FAM13A: variants seen among roughly 807,000 people sequenced by gnomAD.
FAM13A encodes the protein family with sequence similarity 13 member A, also known as protein FAM13A.
A neutral mutation model predicts 129.6 loss-of-function variants in FAM13A; 76 were observed. The ratio of observed to expected loss-of-function variants is 0.59; its 90% CI spans 0.49 to 0.71. The LOEUF is 0.71. Among genes scored for constraint, FAM13A ranks in the 30% least tolerant of loss-of-function variants. The pLI is 0.00. For synonymous variants in FAM13A, 443 were observed against 449.9 expected (o/e 0.98, Z 0.20); for missense variants, 1,108 against 1,249.3 (o/e 0.89, Z 1.70).
intron 4 of FAM13A, among the ~76,000 whole-genome samples, chr4:88,957,379 C>A (rs1414585511): frequency 1.3e-5 from 2 of 152,132 alleles, no homozygotes; most frequent in Non-Finnish European, 2.9e-5. Context: ...CTCTCACTTG[C>A]CTCTGCTTTC....
chr4:88,818,424 CTA>C (rs1731209787), intron 7 of FAM13A, among the ~76,000 whole-genome samples: 1 of 152,066 alleles, frequency 6.6e-6, no homozygotes, highest in Non-Finnish European at 1.5e-5. Flanking sequence ...CTGTCAGTGT[CTA>C]TATATGTTTT....
intron 7 of FAM13A, among the ~76,000 whole-genome samples, chr4:88,817,030 C>T (rs1730867564): frequency 6.6e-6 from 1 of 152,094 alleles, no homozygotes; most frequent in South Asian, 2.1e-4. Flanking sequence ...ATCCATATAT[C>T]ATAATATTAT....
intron 4 of FAM13A, among the ~76,000 whole-genome samples, chr4:88,974,802 C>A (rs1032167872): frequency 6.6e-6 from 1 of 152,100 alleles, no homozygotes; most frequent in Non-Finnish European, 1.5e-5. Context: ...GCGGAATGCA[C>A]TAAAATGGGG....
At chr4:88,891,480 G>C (rs1040475011) in intron 6 of FAM13A, among the ~76,000 whole-genome samples, 1 of 152,134 alleles carries the variant, frequency 6.6e-6, no homozygotes, top group African/African-American at 2.4e-5. Flanking sequence ...CACTTTATTA[G>C]GCTGTACAAC....
chr4:89,051,292 A>T (rs545703446), intron 1 of FAM13A, among the ~76,000 whole-genome samples: 228 of 152,246 alleles, frequency 1.5e-3, no homozygotes, highest in Middle Eastern at 6.8e-3. Flanking sequence ...CTGTTTCTTT[A>T]CATGGCAGAG....
intron 6 of FAM13A, among the ~76,000 whole-genome samples, chr4:88,852,238 T>G (rs1159203166): frequency 6.6e-6 from 1 of 151,824 alleles, no homozygotes; most frequent in African/African-American, 2.4e-5. Context: ...CTTGGCTTAC[T>G]GCAACCCCCA....
intron 6 of FAM13A, among the ~76,000 whole-genome samples, chr4:88,873,685 G>T (rs2150087788): frequency 6.6e-6 from 1 of 152,298 alleles, no homozygotes; most frequent in Middle Eastern, 3.4e-3. Flanking sequence ...GGACCAGATG[G>T]ATTCACAGCC....
intron 6 of FAM13A, among the ~76,000 whole-genome samples, chr4:88,859,768 G>A (rs931792173): frequency 3.3e-5 from 5 of 152,124 alleles, no homozygotes; most frequent in Non-Finnish European, 7.4e-5. Context: ...TGGGTATAGT[G>A]TTGTTTTTAG....
intron 6 of FAM13A, among the ~76,000 whole-genome samples, chr4:88,905,473 A>G (rs1747995209): frequency 6.6e-6 from 1 of 152,160 alleles, no homozygotes; most frequent in Non-Finnish European, 1.5e-5. Flanking sequence ...CATGTGTCAC[A>G]AGGGTTTGTT....
chr4:88,801,950 C>T (rs1727549500), intron 8 of FAM13A, among the ~76,000 whole-genome samples: 1 of 151,904 alleles, frequency 6.6e-6, no homozygotes, highest in Non-Finnish European at 1.5e-5. Context: ...CTCAGGCAAA[C>T]AGAAGTAGAG....
At chr4:88,919,314 C>T (rs1054248382) in intron 5 of FAM13A, among the ~76,000 whole-genome samples, 3 of 152,174 alleles carry the variant, frequency 2.0e-5, no homozygotes, top group Non-Finnish European at 4.4e-5. Context: ...AGAATTGATT[C>T]ACCTGGTAAA....
chr4:88,891,456 G>A (rs191492523), intron 6 of FAM13A, among the ~76,000 whole-genome samples: 42 of 152,036 alleles, frequency 2.8e-4, no homozygotes, highest in African/African-American at 7.2e-4. Context: ...AAAGAAGAGG[G>A]ACTCTCTCCA....
chr4:88,790,001 T>G (rs950027877), intron 9 of FAM13A, among the ~76,000 whole-genome samples: 3 of 152,174 alleles, frequency 2.0e-5, no homozygotes, highest in African/African-American at 7.2e-5. Flanking sequence ...GTGGAAGACT[T>G]TGGAGGAAAA....
intron 7 of FAM13A, among the ~76,000 whole-genome samples, chr4:88,825,216 A>ATTT (rs34736493): frequency 6.2e-5 from 9 of 146,138 alleles, no homozygotes; most frequent in African/African-American, 2.0e-4. Context: ...TTCTGTGTGA[A>ATTT]TTTTTTTTTT....
intron 8 of FAM13A, among the ~76,000 whole-genome samples, chr4:88,797,154 T>G (rs374031449): frequency 4.7e-4 from 72 of 152,154 alleles, no homozygotes; most frequent in Admixed American, 1.8e-3. Context: ...CTCAATTAGC[T>G]GGGCACACAC....
chr4:88,742,817 G>A (rs1740541189), intron 19 of FAM13A, among the ~76,000 whole-genome samples: 1 of 152,180 alleles, frequency 6.6e-6, no homozygotes, highest in South Asian at 2.1e-4. Context: ...ATAGGGCTCT[G>A]AATGAGCTAC....
At chr4:89,014,455 A>T (rs1199247052) in intron 3 of FAM13A, among the ~76,000 whole-genome samples, 1 of 152,218 alleles carries the variant, frequency 6.6e-6, no homozygotes, top group Non-Finnish European at 1.5e-5. Flanking sequence ...GTCTTCAATT[A>T]GAAGTTTGGT....
At chr4:88,887,892 C>G (rs1047200451) in intron 6 of FAM13A, among the ~76,000 whole-genome samples, 1 of 152,046 alleles carries the variant, frequency 6.6e-6, no homozygotes, top group Non-Finnish European at 1.5e-5. Flanking sequence ...ATAAATTTCC[C>G]TTTATTCTTT....
Position 88,781,156 on chromosome 4 carries a change from T to A in FAM13A, c.1458+9A>T. On this transcript the variant is annotated intron_variant, in intron 11 of 23. Coordinates refer to ENST00000264344, the MANE Select transcript of FAM13A (RefSeq NM_014883.4). ...TAACAAGTAAAACTTTATAGACGTA[T>A]TCACTTACCACAAGACCGTCCTGAT... 2 of 1,559,368 alleles carry A rather than the reference T, an allele frequency of 1.3e-6. No individual in the cohort carries two copies. Among genetic ancestry groups the A allele is most frequent in the Non-Finnish European group, 8.7e-7 (1 of 1,148,042 alleles).
Sources: gnomAD v4.1 joint callset for allele counts (sites outside exome capture counted in the v4.1 genomes callset) on GRCh38, gnomAD v4.1.1 for gene constraint, MANE v1.5 for transcripts, NCBI Gene and HGNC (gene_info 2026-07-23, HGNC 2026-07-21) for gene names.